Variants in ESRRG observed in about 807,000 individuals in gnomAD.
ESRRG encodes estrogen-related receptor gamma.
Under a neutral mutation model 44.0 loss-of-function variants are expected in ESRRG, and 13 were observed. That is an observed-to-expected ratio of 0.30 (90% CI 0.19 to 0.47). The LOEUF (loss-of-function observed/expected upper bound fraction) is 0.47. Ranked by LOEUF, ESRRG falls within the 20% of genes least tolerant of loss-of-function variation. ESRRG has a pLI of 1.00. For synonymous variants in ESRRG, 215 were observed against 214.6 expected (o/e 1.00, Z -0.02); for missense variants, 395 against 580.6 (o/e 0.68, Z 3.29).
At chr1:216,930,962 A>C (rs1161202502) in intron 2 of ESRRG, among the ~76,000 whole-genome samples, 2 of 152,202 alleles carry the variant, frequency 1.3e-5, no homozygotes, top group Admixed American at 1.3e-4. Flanking sequence ...TGCTGTGGAG[A>C]GCTTAACTGC....
chr1:216,618,937 C>T (rs576810542), intron 3 of ESRRG, among the ~76,000 whole-genome samples: 2 of 152,310 alleles, frequency 1.3e-5, no homozygotes, highest in East Asian at 1.9e-4. Context: ...GTTTCCTTGG[C>T]ACGTGTGATT....
intron 2 of ESRRG, among the ~76,000 whole-genome samples, chr1:216,882,569 A>G (rs886600455): frequency 7.9e-5 from 12 of 152,222 alleles, no homozygotes; most frequent in African/African-American, 2.9e-4. Context: ...GTGAGTTGTT[A>G]TAAGAACTGA....
intron 2 of ESRRG, among the ~76,000 whole-genome samples, chr1:216,855,570 A>C (rs2095918002): frequency 6.6e-6 from 1 of 152,206 alleles, no homozygotes; most frequent in Non-Finnish European, 1.5e-5. Context: ...TTTAATGTAA[A>C]GATGATACTG....
intron 2 of ESRRG, among the ~76,000 whole-genome samples, chr1:216,932,923 G>T (rs12139054): frequency 0.36 from 53,790 of 151,124 alleles, 10,500 homozygotes; most frequent in Middle Eastern, 0.5. Context: ...TGAAAATATA[G>T]ATACACTTTG....
intron 1 of ESRRG, among the ~76,000 whole-genome samples, chr1:217,079,941 C>T (rs973663216): frequency 6.6e-6 from 1 of 152,140 alleles, no homozygotes; most frequent in South Asian, 2.1e-4. Context: ...TTCCAACAGT[C>T]CTATGAGATA....
At chr1:217,104,337 G>C (rs1303915713) in intron 1 of ESRRG, among the ~76,000 whole-genome samples, 1 of 152,162 alleles carries the variant, frequency 6.6e-6, no homozygotes. Flanking sequence ...TAGATGAAAT[G>C]GGAAAGGAGC....
At chr1:216,544,747 T>C (rs965205337) in intron 5 of ESRRG, among the ~76,000 whole-genome samples, 2 of 151,894 alleles carry the variant, frequency 1.3e-5, no homozygotes, top group African/African-American at 2.4e-5. Flanking sequence ...TTGTTTTGTT[T>C]TGTTTTGTTT....
chr1:217,046,919 C>A (rs1202062147), intron 1 of ESRRG, among the ~76,000 whole-genome samples: 4 of 151,932 alleles, frequency 2.6e-5, no homozygotes, highest in Admixed American at 2.0e-4. Context: ...AGATATGCAA[C>A]ATCATTGGAA....
chr1:217,005,101 C>A (rs1411935126), intron 1 of ESRRG, among the ~76,000 whole-genome samples: 1 of 152,102 alleles, frequency 6.6e-6, no homozygotes, highest in South Asian at 2.1e-4. Context: ...ATCAGCCAAA[C>A]CAAGACCAAA....
chr1:217,052,718 C>T (rs2086271325), intron 1 of ESRRG, among the ~76,000 whole-genome samples: 1 of 152,106 alleles, frequency 6.6e-6, no homozygotes, highest in Admixed American at 6.5e-5. Flanking sequence ...ATAGCTTCTA[C>T]CTTCCTATTG....
intron 1 of ESRRG, among the ~76,000 whole-genome samples, chr1:217,032,859 A>T (rs1172454663): frequency 6.6e-6 from 1 of 152,146 alleles, no homozygotes; most frequent in Admixed American, 6.5e-5. Context: ...GGGATGCTCT[A>T]TTGTGCAATA....
chr1:216,802,123 G>T (rs1439169763), intron 2 of ESRRG, among the ~76,000 whole-genome samples: 1 of 152,130 alleles, frequency 6.6e-6, no homozygotes, highest in African/African-American at 2.4e-5. Flanking sequence ...ACCATCCAGT[G>T]TAGTGACTGC....
chr1:216,913,593 G>A (rs973004349), intron 2 of ESRRG, among the ~76,000 whole-genome samples: 20 of 152,322 alleles, frequency 1.3e-4, no homozygotes, highest in Admixed American at 4.6e-4. Flanking sequence ...AAGCGTGAGC[G>A]CTGCACTTTT....
At chr1:216,509,199 C>A (rs1571932878) in intron 6 of ESRRG, among the ~76,000 whole-genome samples, 1 of 152,252 alleles carries the variant, frequency 6.6e-6, no homozygotes, top group South Asian at 2.1e-4. Context: ...ATGTAGAACA[C>A]TAAATTTGCA....
rs191893344 is a variant in ESRRG at position 216,618,518 on chromosome 1, T to A, written c.589+32455A>T. Among the ~76,000 whole-genome samples the A allele has an allele frequency of 2.0e-3, 311 of 152,318 alleles. 1 individual carries two copies. The highest frequency in any genetic ancestry group is 7.3e-3 in the African/African-American group (302 of 41,574). On this transcript the variant is annotated intron_variant, in intron 3 of 6. Coordinates refer to ENST00000408911, the MANE Select transcript of ESRRG (RefSeq NM_001438.4). Reference sequence around the variant, plus strand: ...TCTACCTAATTTACATATATATAAATAAGTAATATGTATATAACGATTCAG... The same window carrying A: ...TCTACCTAATTTACATATATATAAAAAAGTAATATGTATATAACGATTCAG...
chr1:216,769,621 T>C (rs992794407), intron 2 of ESRRG, among the ~76,000 whole-genome samples: 1 of 152,024 alleles, frequency 6.6e-6, no homozygotes, highest in African/African-American at 2.4e-5. Flanking sequence ...CAAGAAACAG[T>C]TATAAGTTTA....
chr1:216,709,771 T>C (rs1284180059), intron 1 of ESRRG, among the ~76,000 whole-genome samples: 1 of 152,102 alleles, frequency 6.6e-6, no homozygotes, highest in Non-Finnish European at 1.5e-5. Flanking sequence ...TTGCCGACCT[T>C]GGTGAAAATA....
intron 3 of ESRRG, among the ~76,000 whole-genome samples, chr1:216,620,479 A>G (rs1368517836): frequency 1.3e-5 from 2 of 152,174 alleles, no homozygotes; most frequent in African/African-American, 4.8e-5. Flanking sequence ...CATTTTCTCA[A>G]AAACAGTTTG....
At chr1:216,887,625 G>T (rs1305798258) in intron 2 of ESRRG, among the ~76,000 whole-genome samples, 2 of 151,934 alleles carry the variant, frequency 1.3e-5, no homozygotes, top group East Asian at 3.9e-4. Flanking sequence ...ATTTTTTTCT[G>T]TTTGTTAATG....
Sources: gnomAD v4.1 joint callset for allele counts (sites outside exome capture counted in the v4.1 genomes callset) on GRCh38, gnomAD v4.1.1 for gene constraint, MANE v1.5 for transcripts, NCBI Gene and HGNC (gene_info 2026-07-23, HGNC 2026-07-21) for gene names.